GFRA1: variants seen among roughly 807,000 people sequenced by gnomAD.
The protein encoded by GFRA1 is GDNF family receptor alpha 1, also known as GDNF family receptor alpha-1.
A neutral mutation model predicts 51.6 loss-of-function variants in GFRA1; 16 were observed. That is an observed-to-expected ratio of 0.31 (90% CI 0.21 to 0.47). The LOEUF (loss-of-function observed/expected upper bound fraction) is 0.47, where lower values mean the gene tolerates loss of function less well. Among genes scored for constraint, GFRA1 ranks in the 20% least tolerant of loss-of-function variants. The pLI, the probability that GFRA1 is intolerant of heterozygous loss-of-function variation, is 1.00. For missense variants in GFRA1, 530 were observed against 594.3 expected (o/e 0.89, Z 1.13); for synonymous variants, 270 against 241.3 (o/e 1.12, Z -1.10).
chr10:116,131,137 A>G (rs1958086684), intron 5 of GFRA1, among the ~76,000 whole-genome samples: 1 of 152,210 alleles, frequency 6.6e-6, no homozygotes, highest in Non-Finnish European at 1.5e-5. Flanking sequence ...GAATAAGATA[A>G]ATGAATGGCC....
At chr10:116,101,919 C>T (rs956788494) in intron 6 of GFRA1, among the ~76,000 whole-genome samples, 1 of 152,162 alleles carries the variant, frequency 6.6e-6, no homozygotes. Flanking sequence ...CTATGGAATG[C>T]TCAAAGCAAT....
chr10:116,247,167 C>T (rs1967934354), intron 4 of GFRA1, among the ~76,000 whole-genome samples: 1 of 152,070 alleles, frequency 6.6e-6, no homozygotes, highest in African/African-American at 2.4e-5. Context: ...TGTCATTTAC[C>T]CAGGTAAATG....
At chr10:116,065,718 T>G (rs1449093957) in intron 9 of GFRA1, 92 bp from the exon 10 acceptor site, 2 of 937,282 alleles carry the variant, frequency 2.1e-6, no homozygotes. Context: ...CAATGCTCTC[T>G]GATAAATATG....
intron 9 of GFRA1, among the ~76,000 whole-genome samples, chr10:116,085,124 CA>C (rs1956037689): frequency 6.6e-6 from 1 of 152,116 alleles, no homozygotes; most frequent in African/African-American, 2.4e-5. Context: ...TTTTTTAAAG[CA>C]AAGCCTTTCA....
intron 5 of GFRA1, among the ~76,000 whole-genome samples, chr10:116,173,134 T>A (rs543806696): frequency 6.6e-6 from 1 of 152,340 alleles, no homozygotes; most frequent in East Asian, 1.9e-4. Context: ...AATTGCTGTA[T>A]GTTAAGTTTC....
chr10:116,165,949 A>G (rs1960352906), intron 5 of GFRA1, among the ~76,000 whole-genome samples: 1 of 151,402 alleles, frequency 6.6e-6, no homozygotes, highest in Non-Finnish European at 1.5e-5. Context: ...CCCTCTTCTC[A>G]CTCTCCACCC....
intron 4 of GFRA1, among the ~76,000 whole-genome samples, chr10:116,248,410 AG>A (rs1208179032): frequency 2.0e-5 from 3 of 152,192 alleles, no homozygotes; most frequent in Admixed American, 6.5e-5. Context: ...GGGGATGCTC[AG>A]GGAGGAGAAG....
intron 9 of GFRA1, among the ~76,000 whole-genome samples, chr10:116,085,063 G>A (rs930832535): frequency 6.6e-6 from 1 of 152,148 alleles, no homozygotes; most frequent in Non-Finnish European, 1.5e-5. Flanking sequence ...ACCTCAGGGG[G>A]TTAGCACTTG....
At chr10:116,205,141 G>T (rs1340068962) in intron 5 of GFRA1, among the ~76,000 whole-genome samples, 1 of 152,130 alleles carries the variant, frequency 6.6e-6, no homozygotes, top group Non-Finnish European at 1.5e-5. Flanking sequence ...TGCTGTCATT[G>T]ACTGAACCAC....
intron 6 of GFRA1, among the ~76,000 whole-genome samples, chr10:116,121,372 A>C (rs1245024556): frequency 6.6e-6 from 1 of 152,182 alleles, no homozygotes; most frequent in Non-Finnish European, 1.5e-5. Flanking sequence ...TCTGTAGACA[A>C]GCTTGGAGGC....
intron 5 of GFRA1, among the ~76,000 whole-genome samples, chr10:116,190,391 C>A: frequency 6.6e-6 from 1 of 152,184 alleles, no homozygotes. Context: ...TCACAAAGAG[C>A]AATGTGCTCT....
At chr10:116,273,694 T>TCA (rs1190475598), upstream of GFRA1, among the ~76,000 whole-genome samples, 1 of 84,708 alleles carries the variant, frequency 1.2e-5, no homozygotes, top group East Asian at 3.5e-4. Context: ...TCTCTCTCTC[T>TCA]CACACACACA....
chr10:116,209,932 C>A (rs1245251171), intron 5 of GFRA1, among the ~76,000 whole-genome samples: 1 of 152,130 alleles, frequency 6.6e-6, no homozygotes, highest in African/African-American at 2.4e-5. Context: ...CAGTTCCTTC[C>A]ATTTGAAATC....
intron 4 of GFRA1, among the ~76,000 whole-genome samples, chr10:116,238,245 T>C (rs1967062364): frequency 6.6e-6 from 1 of 152,178 alleles, no homozygotes; most frequent in African/African-American, 2.4e-5. Context: ...TGTCTTTCAA[T>C]GTGGCAGGCC....
chr10:116,235,892 G>A (rs1177396805), intron 4 of GFRA1, among the ~76,000 whole-genome samples: 3 of 152,064 alleles, frequency 2.0e-5, no homozygotes, highest in African/African-American at 4.8e-5. Flanking sequence ...AATGAAATTC[G>A]CCTTGCTGGC....
Position 116,091,645 on chromosome 10 carries a change from T to C in GFRA1, c.1016-1723A>G, listed in dbSNP as rs369976292. ...AAATAAACAATTGGCTAGAGTTGTG[T>C]TCATGAAAGGAGAATCTGGGAGAGG... On this transcript the variant is annotated intron_variant, in intron 8 of 10. Coordinates refer to ENST00000355422, the MANE Select transcript of GFRA1 (RefSeq NM_005264.8). Among the ~76,000 whole-genome samples the C allele has an allele frequency of 1.1e-4, 16 of 152,340 alleles. 1 individual carries two copies. The highest frequency in any genetic ancestry group is 3.8e-4 in the African/African-American group (16 of 41,582).
chr10:116,189,462 T>C (rs993736346), intron 5 of GFRA1, among the ~76,000 whole-genome samples: 6 of 152,206 alleles, frequency 3.9e-5, no homozygotes, highest in Admixed American at 6.5e-5. Flanking sequence ...CTTCCCTCTT[T>C]TTTTGATTCC....
chr10:116,088,125 G>A (rs1252906709), intron 9 of GFRA1, among the ~76,000 whole-genome samples: 1 of 152,122 alleles, frequency 6.6e-6, no homozygotes, highest in Non-Finnish European at 1.5e-5. Context: ...AGAGACATAA[G>A]CTCAGATGAA....
At chr10:116,221,655 C>T (rs1434596044) in intron 4 of GFRA1, among the ~76,000 whole-genome samples, 2 of 152,108 alleles carry the variant, frequency 1.3e-5, no homozygotes, top group African/African-American at 4.8e-5. Flanking sequence ...AAACTCCTGA[C>T]CTCAGGTGAT....
Sources: gnomAD v4.1 joint callset for allele counts (sites outside exome capture counted in the v4.1 genomes callset) on GRCh38, gnomAD v4.1.1 for gene constraint, MANE v1.5 for transcripts, NCBI Gene and HGNC (gene_info 2026-07-23, HGNC 2026-07-21) for gene names.